The following CRPPA variants were observed in gnomAD, a reference collection of about 807,000 sequenced individuals.
The protein encoded by CRPPA is D-ribitol-5-phosphate cytidylyltransferase.
Under a neutral mutation model 52.0 loss-of-function variants are expected in CRPPA, and 43 were observed. The observed-to-expected ratio is 0.83, with a 90% CI of 0.65 to 1.07. The LOEUF is 1.07. CRPPA is among the 50% of genes least tolerant of loss of function. The pLI, the probability that CRPPA is intolerant of heterozygous loss-of-function variation, is 0.00. For missense variants in CRPPA, 629 were observed against 551.7 expected (o/e 1.14, Z -1.40); for synonymous variants, 250 against 203.5 (o/e 1.23, Z -1.94).
At chr7:16,171,019 C>T (rs1204544472) in intron 9 of CRPPA, among the ~76,000 whole-genome samples, 1 of 152,224 alleles carries the variant, frequency 6.6e-6, no homozygotes, top group Non-Finnish European at 1.5e-5. Context: ...GAGGGGCTCC[C>T]ACAGTGCAGC....
intron 9 of CRPPA, among the ~76,000 whole-genome samples, chr7:16,147,524 T>C (rs1004086585): frequency 6.6e-6 from 1 of 152,232 alleles, no homozygotes; most frequent in Non-Finnish European, 1.5e-5. Context: ...TTTATGCACT[T>C]ACTTATCTTT....
chr7:16,381,461 T>C (rs1351076538), intron 2 of CRPPA, among the ~76,000 whole-genome samples: 1 of 152,114 alleles, frequency 6.6e-6, no homozygotes, highest in Admixed American at 6.5e-5. Flanking sequence ...AAAAAATGTA[T>C]ATTCTGTTGA....
intron 9 of CRPPA, among the ~76,000 whole-genome samples, chr7:16,135,566 C>T (rs1562520890): frequency 6.6e-6 from 1 of 151,826 alleles, no homozygotes; most frequent in Non-Finnish European, 1.5e-5. Flanking sequence ...GATAAAAAGG[C>T]CAGAGGGAAG....
rs1583375163 is a variant in CRPPA at position 16,126,918 on chromosome 7, T to C, written c.1252-35119A>G. On this transcript the variant is annotated intron_variant, in intron 9 of 9. Coordinates refer to ENST00000407010, the MANE Select transcript of CRPPA (RefSeq NM_001101426.4). ...AACTAATGATTGATTCCCAAATTTG[T>C]ACAAAGAAAAAATAGTATGCTACAA... is the stretch of plus-strand genomic sequence containing the variant. Among the ~76,000 whole-genome samples, 3 of 152,054 alleles carry C rather than the reference T, an allele frequency of 2.0e-5. No homozygotes were observed. In the South Asian group the frequency reaches 6.2e-4, roughly 31 times the overall value.
chr7:16,330,687 T>G (rs1033696668), intron 3 of CRPPA, among the ~76,000 whole-genome samples: 7 of 152,126 alleles, frequency 4.6e-5, no homozygotes, highest in Non-Finnish European at 1.0e-4. Flanking sequence ...GTTCTCATAC[T>G]ACTAATATGG....
chr7:16,301,436 C>T lies in CRPPA; in HGVS notation c.820G>A (p.Glu274Lys). 6.2e-7 allele frequency: 1 copy of T among 1,612,812 alleles called. No individual in the cohort carries two copies. Among genetic ancestry groups the T allele is most frequent in the Non-Finnish European group, 8.5e-7 (1 of 1,179,276 alleles). Residue 274 changes from glutamate to lysine, a missense_variant, in exon 5 of 10, where the codon GAA becomes AAA. Coordinates refer to ENST00000407010, the MANE Select transcript of CRPPA (RefSeq NM_001101426.4). ...VTYKRDLYAA[E>K]SIIKERISQE... ...CCAAACATACCCTTAATAATCGATT[C>T]AGCCGCATAGAGATCTCGTTTGTAG...
At chr7:16,205,492 T>C (rs1033181982) in intron 9 of CRPPA, among the ~76,000 whole-genome samples, 2 of 152,210 alleles carry the variant, frequency 1.3e-5, no homozygotes, top group Non-Finnish European at 2.9e-5. Flanking sequence ...ACTGGTAATT[T>C]TTAGGCTAAA....
chr7:16,394,949 T>C (rs569910408), intron 2 of CRPPA, among the ~76,000 whole-genome samples: 2 of 152,340 alleles, frequency 1.3e-5, no homozygotes, highest in East Asian at 3.9e-4. Context: ...GCTGTCTTTA[T>C]GTAAGAGACT....
intron 9 of CRPPA, among the ~76,000 whole-genome samples, chr7:16,213,457 A>G (rs1476753139): frequency 1.3e-5 from 2 of 152,034 alleles, no homozygotes; most frequent in Non-Finnish European, 2.9e-5. Context: ...TTTTTAAAAA[A>G]CAAAAATTTG....
At chr7:16,411,502 G>A (rs1225309349) in intron 1 of CRPPA, among the ~76,000 whole-genome samples, 1 of 151,756 alleles carries the variant, frequency 6.6e-6, no homozygotes, top group East Asian at 1.9e-4. Context: ...GGCAGAAGTA[G>A]GCATTCTTTC....
At chr7:16,367,866 C>T (rs529857272) in intron 3 of CRPPA, among the ~76,000 whole-genome samples, 1 of 152,290 alleles carries the variant, frequency 6.6e-6, no homozygotes, top group South Asian at 2.1e-4. Context: ...AAGATTAACA[C>T]TTAAATATTA....
chr7:16,225,364 A>T (rs775025732), intron 8 of CRPPA, among the ~76,000 whole-genome samples: 6 of 152,040 alleles, frequency 3.9e-5, no homozygotes, highest in Non-Finnish European at 7.4e-5. Flanking sequence ...CTGTTGTATT[A>T]TGGCACAATT....
intron 5 of CRPPA, among the ~76,000 whole-genome samples, chr7:16,288,795 G>C (rs1245493020): frequency 8.1e-6 from 1 of 123,902 alleles, no homozygotes; most frequent in Non-Finnish European, 1.6e-5. Flanking sequence ...ACAGTGAGCT[G>C]ATATCGCACC....
At chr7:16,349,839 T>C (rs1360997343) in intron 3 of CRPPA, among the ~76,000 whole-genome samples, 3 of 151,676 alleles carry the variant, frequency 2.0e-5, no homozygotes, top group African/African-American at 7.3e-5. Context: ...ATAAAACATA[T>C]TGAAAAAAAA....
chr7:16,285,593 T>C (rs997902970), intron 5 of CRPPA, among the ~76,000 whole-genome samples: 5 of 152,168 alleles, frequency 3.3e-5, no homozygotes, highest in Non-Finnish European at 7.4e-5. Context: ...AGAAAATTCA[T>C]GCCAGAATAT....
chr7:16,196,378 A>G (rs1781733800), intron 9 of CRPPA, among the ~76,000 whole-genome samples: 1 of 152,184 alleles, frequency 6.6e-6, no homozygotes, highest in African/African-American at 2.4e-5. Context: ...CGTGCTCAAA[A>G]AAATATATGT....
intron 3 of CRPPA, among the ~76,000 whole-genome samples, chr7:16,369,025 A>T (rs185381677): frequency 1.6e-4 from 24 of 152,322 alleles, no homozygotes; most frequent in Middle Eastern, 3.4e-3. Context: ...AACCTAATCC[A>T]TGCCATAAAC....
intron 6 of CRPPA, chr7:16,277,269 G>A (rs983147390): frequency 6.6e-6 from 1 of 150,868 alleles, no homozygotes; most frequent in Non-Finnish European, 1.5e-5. Flanking sequence ...TGGAGGCTGA[G>A]GCAGGAGAAT....
At chr7:16,244,129 G>A (rs943736309) in intron 8 of CRPPA, among the ~76,000 whole-genome samples, 1 of 152,022 alleles carries the variant, frequency 6.6e-6, no homozygotes, top group Non-Finnish European at 1.5e-5. Context: ...TAAAAACAAA[G>A]TCTCAATTTT....
Sources: allele counts gnomAD v4.1 joint callset (sites outside exome capture counted in the v4.1 genomes callset), GRCh38; gene constraint gnomAD v4.1.1; transcripts MANE v1.5; gene names NCBI Gene and HGNC (gene_info 2026-07-23, HGNC 2026-07-21).